STOX1: variants seen among roughly 807,000 people sequenced by gnomAD.
STOX1 encodes storkhead box 1, also known as storkhead-box protein 1.
In STOX1, 57 loss-of-function variants were observed where a neutral mutation model predicts 74.8. The observed-to-expected ratio is 0.76, with a 90% CI of 0.62 to 0.95. The LOEUF is 0.95. Ranked by LOEUF, STOX1 falls within the 40% of genes least tolerant of loss-of-function variation. The pLI is 0.00. For missense variants in STOX1, 1,010 were observed against 1,117.0 expected, an observed-to-expected ratio of 0.90 and a Z score of 1.37; for synonymous variants, 375 against 401.3, an observed-to-expected ratio of 0.93 and a Z score of 0.78.
intron 1 of STOX1, among the ~76,000 whole-genome samples, chr10:68,855,401 A>C (rs1298078563): frequency 6.6e-6 from 1 of 151,582 alleles, no homozygotes; most frequent in Non-Finnish European, 1.5e-5. Flanking sequence ...GATTATAGGC[A>C]TGAGCCACGG....
At chr10:68,838,427 G>C (rs1839613775) in intron 1 of STOX1, among the ~76,000 whole-genome samples, 1 of 152,162 alleles carries the variant, frequency 6.6e-6, no homozygotes, top group Admixed American at 6.6e-5. Flanking sequence ...TTTATGTTCA[G>C]TGTGGGTTCT....
intron 1 of STOX1, among the ~76,000 whole-genome samples, chr10:68,829,742 CA>C (rs35078138): frequency 2.0e-5 from 3 of 151,900 alleles, no homozygotes; most frequent in Non-Finnish European, 4.4e-5. Context: ...TTCTTAAGCT[CA>C]AAAAAGAGCT....
At chr10:68,875,513 C>T (rs765926221) in intron 1 of STOX1, among the ~76,000 whole-genome samples, 3 of 152,182 alleles carry the variant, frequency 2.0e-5, no homozygotes, top group African/African-American at 4.8e-5. Context: ...TGAGTATTCA[C>T]ACCTCCTGAA....
chr10:68,832,278 C>T (rs530342159), intron 1 of STOX1, among the ~76,000 whole-genome samples: 277 of 152,188 alleles, frequency 1.8e-3, no homozygotes, highest in Middle Eastern at 6.8e-3. Context: ...TGGGGGTGGG[C>T]GGCCACTTGG....
At chr10:68,862,494 GTAAT>G (rs1840286992) in intron 1 of STOX1, among the ~76,000 whole-genome samples, 1 of 152,082 alleles carries the variant, frequency 6.6e-6, no homozygotes, top group Non-Finnish European at 1.5e-5. Flanking sequence ...GTTCTAAAAT[GTAAT>G]TAGGATTATA....
At chr10:68,834,075 A>T (rs1369012439) in intron 1 of STOX1, among the ~76,000 whole-genome samples, 2 of 152,212 alleles carry the variant, frequency 1.3e-5, no homozygotes, top group Non-Finnish European at 2.9e-5. Context: ...GTGCTTTGGG[A>T]GGTACTGAAG....
At chr10:68,842,487 T>C (rs540907042) in intron 1 of STOX1, among the ~76,000 whole-genome samples, 1 of 151,948 alleles carries the variant, frequency 6.6e-6, no homozygotes, top group Non-Finnish European at 1.5e-5. Flanking sequence ...TGCAAAGTGA[T>C]CCTTTTTCTT....
At chr10:68,831,709 G>C (rs1345715932) in intron 1 of STOX1, among the ~76,000 whole-genome samples, 1 of 152,084 alleles carries the variant, frequency 6.6e-6, no homozygotes, top group Non-Finnish European at 1.5e-5. Flanking sequence ...TTGTAGACCT[G>C]AACTTAAGTC....
chr10:68,884,706 G>A lies in STOX1; in HGVS notation c.910G>A (p.Asp304Asn). ...CACCAAACCTTTACCATACACAAGA[G>A]ATAAAGAAAAAGGCAAGAAGTTTGG... ...ESTKPLPYTR[D>N]KEKGKKFGFS... is the part of the protein sequence containing the mutation. Residue 304 changes from aspartate to asparagine, a missense_variant, in exon 3 of 4, where the codon GAT becomes AAT. Transcript: ENST00000298596. The A allele has an allele frequency of 6.2e-7, 1 of 1,614,144 alleles. No homozygotes were observed. Among genetic ancestry groups the A allele is most frequent in the East Asian group, 2.2e-5 (1 of 44,882 alleles).
In STOX1 at chr10:68,858,752, A is replaced by G. The variant is rs535804394; in HGVS notation, c.311-23206A>G. ...TGGGGAAGCACCTGAGGGTGTAGAT[A>G]GGCCTTCCTGGATTCTTGTGCAGGT... is the stretch of plus-strand genomic sequence containing the variant. On this transcript the variant is annotated intron_variant, in intron 1 of 3. Coordinates refer to ENST00000298596, the MANE Select transcript of STOX1 (RefSeq NM_152709.5). Among the ~76,000 whole-genome samples the G allele has an allele frequency of 1.1e-3, 167 of 151,292 alleles. No individual in the cohort carries two copies. In the South Asian group the frequency reaches 0.011, roughly 10 times the overall value.
intron 1 of STOX1, among the ~76,000 whole-genome samples, chr10:68,857,560 T>A (rs935279423): frequency 3.3e-5 from 5 of 152,126 alleles, no homozygotes; most frequent in Non-Finnish European, 5.9e-5. Context: ...TCTCTCACTA[T>A]ACAGTTGTAA....
rs1227228297 is a variant in STOX1, at chr10:68,886,158, A to G, written c.2362A>G (p.Arg788Gly). The G allele has an allele frequency of 1.2e-5, 20 of 1,614,040 alleles. No homozygotes were observed. The highest frequency in any genetic ancestry group is 1.5e-5 in the Non-Finnish European group (18 of 1,180,034). Residue 788 changes from arginine (R) to glycine (G), a missense_variant, in exon 3 of 4, where the codon AGG becomes GGG. Coordinates refer to ENST00000298596, the MANE Select transcript of STOX1 (RefSeq NM_152709.5). Reference sequence around the variant, plus strand: ...GACCGAGTACAACAGCACAATGGAGAGGGTTGAGTCTCAGGTGCTTAAAAG... The same window carrying G: ...GACCGAGTACAACAGCACAATGGAGGGGGTTGAGTCTCAGGTGCTTAAAAG... The part of the protein sequence containing the change: ...SLTEYNSTME[R>G]VESQVLKRNE...
intron 1 of STOX1, among the ~76,000 whole-genome samples, chr10:68,843,910 A>G: frequency 6.7e-6 from 1 of 149,906 alleles, no homozygotes; most frequent in South Asian, 2.3e-4. Flanking sequence ...GCCGGGCGCC[A>G]TGGCTCACGC....
At chr10:68,846,966 CAATCAAT>C (rs1349852565) in intron 1 of STOX1, 1 of 152,154 alleles carries the variant, frequency 6.6e-6, no homozygotes, top group Non-Finnish European at 1.5e-5. Flanking sequence ...CACATCTTAA[CAATCAAT>C]ATTGGGTCTC....
At chr10:68,842,654 C>T (rs1479934595) in intron 1 of STOX1, among the ~76,000 whole-genome samples, 2 of 150,462 alleles carry the variant, frequency 1.3e-5, no homozygotes, top group Non-Finnish European at 2.9e-5. Flanking sequence ...AGTTCTCTGC[C>T]TCAGCCTCCC....
Position 68,827,628 on chromosome 10 carries a change from C to G in STOX1, c.5C>G (p.Ala2Gly). Residue 2 changes from alanine to glycine, a missense_variant, in exon 1 of 4, where the codon GCC becomes GGC. Ala to Gly is a moderately conservative substitution (Grantham distance 60). Transcript: ENST00000298596. Reference protein sequence around the residue: MARPVQLAPGSL... With the variant: MGRPVQLAPGSL... ...CTCCCGGCCGCCGGCGAAAGCATGG[C>G]CCGGCCCGTGCAGCTGGCGCCGGGC... 2 of 1,148,866 alleles carry G rather than the reference C, an allele frequency of 1.7e-6. No individual in the cohort carries two copies. Among genetic ancestry groups the G allele is most frequent in the Non-Finnish European group, 2.1e-6 (2 of 934,558 alleles). The allele number at this position is 1,148,866 out of a possible 1,614,324, so 71.2% of individuals were successfully genotyped here. A position where few individuals can be genotyped will look rare whatever the true frequency, so the allele number is the denominator to read the frequency against.
At chr10:68,855,825 C>A (rs1323852780) in intron 1 of STOX1, among the ~76,000 whole-genome samples, 1 of 151,938 alleles carries the variant, frequency 6.6e-6, no homozygotes, top group African/African-American at 2.4e-5. Flanking sequence ...GGGGGCCCCT[C>A]CCAATTCAGC....
At chr10:68,829,383 G>T (rs1201052150) in intron 1 of STOX1, among the ~76,000 whole-genome samples, 2 of 152,178 alleles carry the variant, frequency 1.3e-5, no homozygotes, top group African/African-American at 4.8e-5. Flanking sequence ...GGGGCGTGGT[G>T]GCAGGTTCCT....
chr10:68,891,422 A>G (rs1438089592), intron 3 of STOX1, among the ~76,000 whole-genome samples: 1 of 152,220 alleles, frequency 6.6e-6, no homozygotes, highest in Non-Finnish European at 1.5e-5. Flanking sequence ...GTTTAGAGAA[A>G]GACTTATTAG....
Sources: allele counts gnomAD v4.1 joint callset (sites outside exome capture counted in the v4.1 genomes callset), GRCh38; gene constraint gnomAD v4.1.1; transcripts MANE v1.5; gene names NCBI Gene and HGNC (gene_info 2026-07-23, HGNC 2026-07-21).